PCDHGA6: variants seen among roughly 807,000 people sequenced by gnomAD.
PCDHGA6 encodes protocadherin gamma-A6.
In PCDHGA6, 41 loss-of-function variants were observed where a neutral mutation model predicts 60.6. That is an observed-to-expected ratio of 0.68 (90% confidence interval 0.53 to 0.88). The LOEUF (loss-of-function observed/expected upper bound fraction) is 0.88. PCDHGA6 is among the 40% of genes least tolerant of loss of function. The pLI is 0.00. For missense variants in PCDHGA6, 1,312 were observed against 1,203.0 expected (o/e 1.09, Z -1.34); for synonymous variants, 594 against 524.4 (o/e 1.13, Z -1.81).
intron 1 of PCDHGA6, chr5:141,409,801 G>A: frequency 1.2e-6 from 2 of 1,611,946 alleles, no homozygotes; most frequent in South Asian, 2.2e-5. Context: ...TCACGCTGCA[G>A]GCCCGCGACC....
At chr5:141,378,925 T>C (rs1202116224) in intron 1 of PCDHGA6, 1 of 152,246 alleles carries the variant, frequency 6.6e-6, no homozygotes, top group African/African-American at 2.4e-5. Context: ...CAAAAGTAAG[T>C]TGATGGCCCT....
chr5:141,490,402 G>A lies in PCDHGA6; in HGVS notation c.2425-4405G>A. On this transcript the variant is annotated intron_variant, in intron 1 of 3. Coordinates refer to ENST00000517434, the MANE Select transcript of PCDHGA6 (RefSeq NM_018919.3). This position sits in a 1 kb window ranked among gnomAD's most constrained non-coding sequence, Gnocchi z 5.4. The stretch of plus-strand genomic sequence containing the variant: ...AGGTAGAAATGGTGAAGTGAGCCTT[G>A]ATATCTCTCCGGACCTGCCATTTCA... 6.2e-7 allele frequency: 1 copy of A among 1,614,182 alleles called. No homozygotes were observed. The highest frequency in any genetic ancestry group is 8.5e-7 in the Non-Finnish European group (1 of 1,180,024).
intron 1 of PCDHGA6, chr5:141,420,342 T>C: frequency 7.2e-7 from 1 of 1,388,390 alleles, no homozygotes; most frequent in Non-Finnish European, 9.6e-7. Flanking sequence ...AATATAGTGG[T>C]ATTATTTTAA....
intron 1 of PCDHGA6, chr5:141,429,208 G>A (rs568951026): frequency 5.4e-4 from 77 of 142,568 alleles, no homozygotes; most frequent in African/African-American, 1.9e-3. Context: ...ACACACACGT[G>A]TGAAAAGTGG....
At chr5:141,475,543 G>A (rs1161883598) in intron 1 of PCDHGA6, among the ~76,000 whole-genome samples, 1 of 152,196 alleles carries the variant, frequency 6.6e-6, no homozygotes, top group African/African-American at 2.4e-5. Flanking sequence ...TACAAGTAGG[G>A]TCCGGCTAAT....
intron 1 of PCDHGA6, among the ~76,000 whole-genome samples, chr5:141,450,267 C>T (rs971441306): frequency 4.6e-5 from 7 of 152,106 alleles, no homozygotes; most frequent in African/African-American, 1.7e-4. Context: ...ATCTGCCCAC[C>T]TCAGCTAAGT....
chr5:141,475,388 G>C (rs1230010845), intron 1 of PCDHGA6, among the ~76,000 whole-genome samples: 8 of 152,170 alleles, frequency 5.3e-5, no homozygotes, highest in Non-Finnish European at 1.0e-4. Flanking sequence ...AATTTTATAA[G>C]CCAGAGTTAA....
intron 1 of PCDHGA6, among the ~76,000 whole-genome samples, chr5:141,459,095 G>A (rs61275874): frequency 0.28 from 42,440 of 152,066 alleles, 6,652 homozygotes; most frequent in African/African-American, 0.43. Context: ...ATTATACAGT[G>A]CAATGCATTT....
At chr5:141,409,638 C>A (rs1040366842) in intron 1 of PCDHGA6, 1 of 1,613,648 alleles carries the variant, frequency 6.2e-7, no homozygotes, top group Admixed American at 1.7e-5. Flanking sequence ...GCCTCTGACC[C>A]GGATTTGGGG....
intron 1 of PCDHGA6, chr5:141,394,389 C>T (rs750588570): frequency 2.6e-5 from 42 of 1,614,118 alleles, no homozygotes; most frequent in Non-Finnish European, 3.5e-5. Flanking sequence ...TGAGCAGATC[C>T]GAGACCTGCA....
chr5:141,388,652 C>A (rs1388425962), intron 1 of PCDHGA6: 1 of 1,613,844 alleles, frequency 6.2e-7, no homozygotes, highest in Non-Finnish European at 8.5e-7. Flanking sequence ...AAAACGTGTA[C>A]CCGGGGACCA....
chr5:141,413,965 C>G (rs2095696868), intron 1 of PCDHGA6: 2 of 1,613,292 alleles, frequency 1.2e-6, no homozygotes, highest in East Asian at 2.2e-5. Context: ...TGTGGGCACT[C>G]AGCTGCTGAC....
intron 1 of PCDHGA6, among the ~76,000 whole-genome samples, chr5:141,474,862 T>C (rs1281140736): frequency 6.6e-6 from 1 of 152,264 alleles, no homozygotes; most frequent in Non-Finnish European, 1.5e-5. Context: ...CTTCATTTAA[T>C]AGGATAGGAG....
chr5:141,401,211 G>A (rs1180713351), intron 1 of PCDHGA6, among the ~76,000 whole-genome samples: 5 of 151,994 alleles, frequency 3.3e-5, no homozygotes, highest in South Asian at 2.1e-4. Context: ...GTGTGGTGGC[G>A]GGCGCCTGTA....
intron 1 of PCDHGA6, among the ~76,000 whole-genome samples, chr5:141,420,742 A>T (rs967908996): frequency 6.6e-6 from 1 of 152,254 alleles, no homozygotes; most frequent in African/African-American, 2.4e-5. Flanking sequence ...AATCAATTGG[A>T]ACCAACTACA....
chr5:141,505,694 G>A, intron 3 of PCDHGA6, among the ~76,000 whole-genome samples: 1 of 152,208 alleles, frequency 6.6e-6, no homozygotes, highest in East Asian at 1.9e-4. Flanking sequence ...GCCTGGAGGA[G>A]AGCGAACAAG....
chr5:141,451,233 T>A (rs1431967203), intron 1 of PCDHGA6, among the ~76,000 whole-genome samples: 1 of 152,216 alleles, frequency 6.6e-6, no homozygotes, highest in African/African-American at 2.4e-5. Flanking sequence ...GCATTTATTA[T>A]CTCATAAATT....
At position 141,433,110 on chromosome 5, in the gene PCDHGA6, G is replaced by A. The variant is rs1031253372; in HGVS notation, c.2424+56603G>A. On this transcript the variant is annotated intron_variant, in intron 1 of 3. Coordinates refer to ENST00000517434, the MANE Select transcript of PCDHGA6 (RefSeq NM_018919.3). Reference sequence around the variant, plus strand: ...GCAGACATGCTCGTCAGCCAGGAGAGCTTTGAAAAAAGCGAGCCCCTTTTG... The same window carrying A: ...GCAGACATGCTCGTCAGCCAGGAGAACTTTGAAAAAAGCGAGCCCCTTTTG... 3.1e-6 allele frequency: 5 copies of A among 1,613,982 alleles called. No homozygotes were observed. The African/African-American group carries it at 5.3e-5, about 17-fold the overall frequency.
intron 1 of PCDHGA6, chr5:141,393,206 A>T: frequency 6.2e-7 from 1 of 1,613,588 alleles, no homozygotes; most frequent in East Asian, 2.2e-5. Context: ...ATAATAACCC[A>T]AAATTCCAGG....
Sources: allele counts gnomAD v4.1 joint callset (sites outside exome capture counted in the v4.1 genomes callset), GRCh38; gene constraint gnomAD v4.1.1; non-coding constraint Gnocchi (gnomAD v3.1); transcripts MANE v1.5; gene names NCBI Gene and HGNC (gene_info 2026-07-23, HGNC 2026-07-21).